XIST: variants seen among roughly 807,000 people sequenced by gnomAD.
The protein encoded by XIST is X inactive specific transcript, also known as X inactive specific transcript (non-protein coding).
At chrX:73,820,695 C>A in exon 6 of XIST, 3 of 540,315 alleles carry the variant, frequency 5.6e-6, no homozygotes, top group Non-Finnish European at 9.9e-6. Context: ...TAGCAACCAA[C>A]TCCCCAGTTT....
chrX:73,851,414 T>C (rs1451602701), exon 1 of XIST: 2 of 557,383 alleles, frequency 3.6e-6, no homozygotes, highest in Non-Finnish European at 6.5e-6. Context: ...TCCACCACCA[T>C]GCTAACCACT....
At chrX:73,832,923 C>T (rs752851163) in intron 3 of XIST, among the ~76,000 whole-genome samples, 9 of 111,669 alleles carry the variant, frequency 8.1e-5, no homozygotes, top group African/African-American at 2.6e-4. Flanking sequence ...CGCTCTGCCA[C>T]CTAGGCTGGA....
Position 73,848,279 on chromosome X carries a change from T to C in XIST, n.4445A>G, listed in dbSNP as rs760609011. 1.6e-5 allele frequency: 9 copies of C among 552,876 alleles called. No homozygotes were observed. The East Asian group carries it at 2.3e-4, about 14-fold the overall frequency. 45.6% of individuals were successfully genotyped at this position (552,876 alleles called of 1,213,427 possible). On this transcript the variant is annotated non_coding_transcript_exon_variant, in exon 1 of 6. Transcript: ENST00000429829. ...CCCAGACTAACAGCAGATAGGGAAA[T>C]TGCATTTTGCACATCAATAATTTCT...
exon 1 of XIST, chrX:73,846,412 C>A (rs748280238): frequency 3.6e-6 from 2 of 557,029 alleles, no homozygotes; most frequent in Non-Finnish European, 6.5e-6. Flanking sequence ...GTGGAGAGGA[C>A]CCTCCTTTTC....
chrX:73,823,712 G>T (rs1266662028), exon 6 of XIST: 3 of 556,596 alleles, frequency 5.4e-6, no homozygotes, highest in African/African-American at 4.5e-5. Flanking sequence ...CAGGAAGCAT[G>T]TATCTTCTGG....
chrX:73,823,863 C>A, exon 6 of XIST: 1 of 558,379 alleles, frequency 1.8e-6, no homozygotes, highest in South Asian at 2.2e-5. Context: ...CTTCTGTGAG[C>A]ACTCTATAAT....
chrX:73,847,926 T>C (rs1922816420), exon 1 of XIST: 1 of 559,179 alleles, frequency 1.8e-6, no homozygotes, highest in Admixed American at 2.2e-5. Context: ...GAGGATAAAA[T>C]GGATCTGATC....
exon 1 of XIST, chrX:73,847,569 G>C (rs1448274440): frequency 2.0e-6 from 1 of 512,304 alleles, no homozygotes; most frequent in African/African-American, 2.3e-5. Flanking sequence ...TAGGAAATCA[G>C]TACCCCCTTC....
At position 73,825,623 on chromosome X, in the gene XIST, A is replaced by C. The variant is rs1036411892; in HGVS notation, n.14278T>G. 19 of 512,463 alleles carry C rather than the reference A, an allele frequency of 3.7e-5. No homozygotes were observed. The African/African-American group carries it at 4.2e-4, about 11-fold the overall frequency. 42.2% of individuals were successfully genotyped at this position (512,463 alleles called of 1,213,427 possible). ...CCAATTGGCTCAAAAACTAAGAATGATTTTGACCTTATAAAAACGTTGTTT... is the reference window on the plus strand; with the variant it reads ...CCAATTGGCTCAAAAACTAAGAATGCTTTTGACCTTATAAAAACGTTGTTT... On this transcript the variant is annotated non_coding_transcript_exon_variant, in exon 6 of 6. Transcript: ENST00000429829.
In XIST at chrX:73,848,194, C is replaced by A. The variant is rs999178813; in HGVS notation, n.4530G>T. ...GGAAAAGACCATAATTGCAATTATGCGCATTAACAGTCCCAAGTACCCCCT... is the reference window on the plus strand; with the variant it reads ...GGAAAAGACCATAATTGCAATTATGAGCATTAACAGTCCCAAGTACCCCCT... On this transcript the variant is annotated non_coding_transcript_exon_variant, in exon 1 of 6. Coordinates refer to ENST00000429829, the Ensembl canonical transcript of XIST. The A allele has an allele frequency of 9.0e-6, 5 of 556,605 alleles. No individual in the cohort carries two copies. The East Asian group carries it at 1.3e-4, about 14-fold the overall frequency. The allele number at this position is 556,605 out of a possible 1,213,427, so 45.9% of individuals were successfully genotyped here.
At chrX:73,838,580 CAGA>C (rs1922527853) in intron 1 of XIST, among the ~76,000 whole-genome samples, 1 of 111,032 alleles carries the variant, frequency 9.0e-6, no homozygotes, top group Admixed American at 9.6e-5. Flanking sequence ...GTATAAGATG[CAGA>C]AGAAGCCCAA....
exon 6 of XIST, chrX:73,820,917 T>C (rs1260692586): frequency 3.6e-6 from 2 of 559,447 alleles, no homozygotes; most frequent in Non-Finnish European, 6.5e-6. Context: ...TAATTCCTTG[T>C]GTCTGCATAA....
At chrX:73,845,420 G>A (rs1435998076) in exon 1 of XIST, 1 of 551,955 alleles carries the variant, frequency 1.8e-6, no homozygotes, top group Non-Finnish European at 3.3e-6. Flanking sequence ...CAAGGTGAGT[G>A]CCTATGCTCA....
rs763399134 is a variant in XIST at position 73,826,953 on chromosome X, C to T, written n.12948G>A. On this transcript the variant is annotated non_coding_transcript_exon_variant, in exon 6 of 6. Coordinates refer to ENST00000429829, the Ensembl canonical transcript of XIST. ...CTTCCATCCAACTCAGGCCTTCGGT[C>T]CAATTCAGGCCACCCTCTGTTTTCT... 10 of 556,739 alleles carry T rather than the reference C, an allele frequency of 1.8e-5. No individual in the cohort carries two copies. In the Admixed American group the frequency reaches 2.0e-4, roughly 11 times the overall value. 45.9% of individuals were successfully genotyped at this position (556,739 alleles called of 1,213,427 possible).
chrX:73,823,139 C>A (rs997062634), exon 6 of XIST: 3 of 553,131 alleles, frequency 5.4e-6, no homozygotes, highest in Non-Finnish European at 9.7e-6. Context: ...CATCTTGAAC[C>A]ATTTAACTGT....
At chrX:73,852,686 G>C in exon 1 of XIST, 2 of 461,947 alleles carry the variant, frequency 4.3e-6, no homozygotes, top group Non-Finnish European at 7.5e-6. Context: ...CAGTCAGGAA[G>C]CTTCCAGCCC....
chrX:73,833,997 C>T (rs1922436079), intron 2 of XIST, among the ~76,000 whole-genome samples: 1 of 111,769 alleles, frequency 8.9e-6, no homozygotes, highest in African/African-American at 3.3e-5. Context: ...CAACACTATT[C>T]TCTAGCTTTA....
chrX:73,826,261 A>T (rs774014838), exon 6 of XIST: 4 of 556,979 alleles, frequency 7.2e-6, no homozygotes, highest in South Asian at 6.7e-5. Context: ...TTCCCCAACA[A>T]CCTGACCATT....
chrX:73,841,966 C>A, exon 1 of XIST: 1 of 540,391 alleles, frequency 1.9e-6, no homozygotes, highest in Admixed American at 2.3e-5. Context: ...AAAGCCCACA[C>A]AAAGATACTG....
Sources: allele counts gnomAD v4.1 joint callset (sites outside exome capture counted in the v4.1 genomes callset), GRCh38; gene constraint gnomAD v4.1.1; transcripts MANE v1.5; gene names NCBI Gene and HGNC (gene_info 2026-07-23, HGNC 2026-07-21).